ARHGAP6: variants seen among roughly 807,000 people sequenced by gnomAD.
ARHGAP6 encodes rho GTPase-activating protein 6.
ARHGAP6 carries 16 observed loss-of-function variants against 55.7 expected under a neutral mutation model. That is an observed-to-expected ratio of 0.29 (90% confidence interval 0.19 to 0.44). The LOEUF is 0.44. Ranked by LOEUF, ARHGAP6 falls within the 20% of genes least tolerant of loss-of-function variation. The pLI, the probability that ARHGAP6 is intolerant of heterozygous loss-of-function variation, is 1.00. For synonymous variants in ARHGAP6, 382 were observed against 360.9 expected (o/e 1.06, Z -0.66); for missense variants, 698 against 808.9 (o/e 0.86, Z 1.66).
At chrX:11,602,900 T>C (rs887152752) in intron 1 of ARHGAP6, among the ~76,000 whole-genome samples, 5 of 112,653 alleles carry the variant, frequency 4.4e-5, no homozygotes, top group African/African-American at 1.6e-4. Context: ...TCAACTCACT[T>C]GAGTGCTTAT....
In ARHGAP6 at chrX:11,444,568, C is replaced by T. The variant is rs2050073079; in HGVS notation, c.589-189861G>A. The stretch of plus-strand genomic sequence containing the variant: ...TGAGCTCCCCTCTTCCTTATTCTTT[C>T]TGTCTGATACATGGGCATGATGGCT... On this transcript the variant is annotated intron_variant, in intron 1 of 12. Coordinates refer to ENST00000337414, the MANE Select transcript of ARHGAP6 (RefSeq NM_013427.3). Among the ~76,000 whole-genome samples, 6 of 112,268 alleles carry T rather than the reference C, an allele frequency of 5.3e-5. No homozygotes were observed. In the South Asian group the frequency reaches 1.5e-3, roughly 28 times the overall value.
At chrX:11,382,734 T>C (rs2049277254) in intron 1 of ARHGAP6, among the ~76,000 whole-genome samples, 1 of 111,829 alleles carries the variant, frequency 8.9e-6, no homozygotes, top group Non-Finnish European at 1.9e-5. Flanking sequence ...CTTGTGTTGA[T>C]TAAACTGTCT....
chrX:11,350,798 C>T (rs2048853746), intron 1 of ARHGAP6, among the ~76,000 whole-genome samples: 1 of 111,045 alleles, frequency 9.0e-6, no homozygotes, highest in African/African-American at 3.3e-5. Context: ...TTGGGATTAG[C>T]AGAAAATAAT....
chrX:11,520,431 G>T (rs1348099819), intron 1 of ARHGAP6, among the ~76,000 whole-genome samples: 1 of 106,480 alleles, frequency 9.4e-6, no homozygotes, highest in African/African-American at 3.4e-5. Flanking sequence ...TTGTCCTTGC[G>T]ATAGTTTGCT....
chrX:11,620,548 G>A lies in ARHGAP6; in HGVS notation c.588+43693C>T, dbSNP rs183686630. Among the ~76,000 whole-genome samples the A allele has an allele frequency of 2.1e-3, 238 of 112,534 alleles. 1 individual carries two copies. The highest frequency in any genetic ancestry group is 3.5e-3 in the Non-Finnish European group (184 of 53,304). ...GAGAAATCTCTTTCCAATGGGAGACGAAAAGTCCTCTACTTACTATGAAAG... is the reference window on the plus strand; with the variant it reads ...GAGAAATCTCTTTCCAATGGGAGACAAAAAGTCCTCTACTTACTATGAAAG... On this transcript the variant is annotated intron_variant, in intron 1 of 12. Coordinates refer to ENST00000337414, the MANE Select transcript of ARHGAP6 (RefSeq NM_013427.3).
intron 8 of ARHGAP6, among the ~76,000 whole-genome samples, chrX:11,172,379 T>C (rs1237526896): frequency 2.7e-5 from 3 of 111,877 alleles, no homozygotes; most frequent in African/African-American, 9.8e-5. Context: ...AATTTTTCTT[T>C]TCCTGGAAAT....
intron 1 of ARHGAP6, among the ~76,000 whole-genome samples, chrX:11,593,704 C>T (rs1349074314): frequency 8.9e-6 from 1 of 111,735 alleles, no homozygotes. Flanking sequence ...TGTATGGGAA[C>T]TCTGCACTTT....
At chrX:11,491,612 A>C (rs763829235) in intron 1 of ARHGAP6, among the ~76,000 whole-genome samples, 2 of 111,956 alleles carry the variant, frequency 1.8e-5, no homozygotes, top group South Asian at 3.7e-4. Context: ...CCAGTCTATC[A>C]TTGTTGGACA....
chrX:11,438,952 C>T lies in ARHGAP6; in HGVS notation c.589-184245G>A, dbSNP rs757681202. On this transcript the variant is annotated intron_variant, in intron 1 of 12. Coordinates refer to ENST00000337414, the MANE Select transcript of ARHGAP6 (RefSeq NM_013427.3). Reference sequence around the variant, plus strand: ...AGTTGAAATTCCATAAATAGAGGAGCTTCTGTACCACTTTCTATTGCTAAT... The same window carrying T: ...AGTTGAAATTCCATAAATAGAGGAGTTTCTGTACCACTTTCTATTGCTAAT... Among the ~76,000 whole-genome samples, 4 of 112,408 alleles carry T rather than the reference C, an allele frequency of 3.6e-5. No individual in the cohort carries two copies. In the South Asian group the frequency reaches 1.5e-3, roughly 41 times the overall value.
intron 1 of ARHGAP6, among the ~76,000 whole-genome samples, chrX:11,599,514 T>C (rs1238424982): frequency 1.8e-5 from 2 of 111,932 alleles, no homozygotes; most frequent in Admixed American, 1.9e-4. Context: ...TTTTTGGACA[T>C]TATGGTAAAT....
At chrX:11,575,323 AT>A (rs1357274362) in intron 1 of ARHGAP6, among the ~76,000 whole-genome samples, 1 of 111,872 alleles carries the variant, frequency 8.9e-6, no homozygotes, top group African/African-American at 3.2e-5. Flanking sequence ...CGAAAACTAA[AT>A]TTGTGTTAAG....
chrX:11,321,947 C>T (rs2048437909), intron 1 of ARHGAP6, among the ~76,000 whole-genome samples: 1 of 111,826 alleles, frequency 8.9e-6, no homozygotes, highest in South Asian at 3.7e-4. Flanking sequence ...GTTAAAGTGG[C>T]GCTCTGGAAA....
intron 1 of ARHGAP6, among the ~76,000 whole-genome samples, chrX:11,278,432 A>G (rs2047807180): frequency 1.8e-5 from 2 of 111,538 alleles, no homozygotes; most frequent in Admixed American, 1.9e-4. Flanking sequence ...GAAGGGGGCC[A>G]TGAGCTAAGG....
rs932786604 is a variant in ARHGAP6 at position 11,502,513 on chromosome X, C to T, written c.588+161728G>A. Among the ~76,000 whole-genome samples, 3 of 111,826 alleles carry T rather than the reference C, an allele frequency of 2.7e-5. No individual in the cohort carries two copies. In the Admixed American group the frequency reaches 2.8e-4, roughly 11 times the overall value. ...TCATACATTTATAAAATACAGTTGA[C>T]TCTAACAACATGCATTTGAAATATG... On this transcript the variant is annotated intron_variant, in intron 1 of 12. Transcript: ENST00000337414.
At chrX:11,361,491 A>G (rs1473697392) in intron 1 of ARHGAP6, among the ~76,000 whole-genome samples, 2 of 111,322 alleles carry the variant, frequency 1.8e-5, no homozygotes, top group Non-Finnish European at 3.8e-5. Flanking sequence ...TACACCTTAT[A>G]CAAAAATTAA....
At chrX:11,577,355 G>C (rs1166814477) in intron 1 of ARHGAP6, among the ~76,000 whole-genome samples, 1 of 112,109 alleles carries the variant, frequency 8.9e-6, no homozygotes, top group Non-Finnish European at 1.9e-5. Flanking sequence ...ACTCAGCCCT[G>C]CAGGGAGACT....
chrX:11,282,134 G>C (rs1276139056), intron 1 of ARHGAP6, among the ~76,000 whole-genome samples: 2 of 111,981 alleles, frequency 1.8e-5, no homozygotes, highest in Non-Finnish European at 3.8e-5. Context: ...CTACAAAATG[G>C]TAAAACAACT....
intron 1 of ARHGAP6, among the ~76,000 whole-genome samples, chrX:11,544,598 T>A (rs1484678666): frequency 1.8e-5 from 2 of 112,322 alleles, no homozygotes; most frequent in Non-Finnish European, 3.8e-5. Context: ...GATGCCATGT[T>A]TGGAATGAGG....
intron 1 of ARHGAP6, among the ~76,000 whole-genome samples, chrX:11,417,081 T>TATATATATACAC (rs2049759891): frequency 1.3e-5 from 1 of 78,777 alleles, no homozygotes; most frequent in Non-Finnish European, 2.4e-5. Context: ...TATATATATA[T>TATATATATACAC]ATATATATAT....
Sources: allele counts gnomAD v4.1 joint callset (sites outside exome capture counted in the v4.1 genomes callset), GRCh38; gene constraint gnomAD v4.1.1; transcripts MANE v1.5; gene names NCBI Gene and HGNC (gene_info 2026-07-23, HGNC 2026-07-21).